The following BRWD1 variants were observed in gnomAD, a reference collection of about 807,000 sequenced individuals.
BRWD1 encodes the protein bromodomain and WD repeat domain containing 1.
BRWD1 carries 82 observed loss-of-function variants against 251.2 expected under a neutral mutation model. The ratio of observed to expected loss-of-function variants is 0.33; its 90% CI spans 0.27 to 0.39. BRWD1 has a LOEUF of 0.39. Among genes scored for constraint, BRWD1 ranks in the 10% least tolerant of loss-of-function variants. The pLI is 1.00. For synonymous variants in BRWD1, 918 were observed against 902.8 expected (o/e 1.02, Z -0.30); for missense variants, 2,233 against 2,711.6 (o/e 0.82, Z 3.92).
At position 39,206,278 on chromosome 21, in the gene BRWD1, C is replaced by A; in HGVS notation, c.4198-4G>T. On this transcript the variant is annotated splice_region_variant and splice_polypyrimidine_tract_variant and intron_variant, in intron 36 of 40. Transcript: ENST00000342449. Reference sequence around the variant, plus strand: ...ATCTCAAGGTCATACTATAAATCTGCAAGGATATAAAAACAAAGTAGAATT... The same window carrying A: ...ATCTCAAGGTCATACTATAAATCTGAAAGGATATAAAAACAAAGTAGAATT... 1 of 1,554,402 alleles carries A rather than the reference C, an allele frequency of 6.4e-7. No homozygotes were observed. The highest frequency in any genetic ancestry group is 8.8e-7 in the Non-Finnish European group (1 of 1,142,374).
rs75090981 is a variant in BRWD1, at chr21:39,313,589, GCGCCGCCGC to G, written c.-107_-99del. ...GCTGGCGTCCCCTCTTCTCAGGCGC[GCGCCGCCGC>G]CGCCGCCGCCGCCGCCATACCGTGC... On this transcript the variant is annotated 5_prime_UTR_variant, in exon 1 of 41. Transcript: ENST00000342449. The G allele has an allele frequency of 4.7e-3, 3,082 of 650,358 alleles. 64 individuals carry two copies. The highest frequency in any genetic ancestry group is 0.04 in the East Asian group (1,045 of 25,906). The allele number at this position is 650,358 out of a possible 1,614,324, so 40.3% of individuals were successfully genotyped here. A position where few individuals can be genotyped will look rare whatever the true frequency, so the allele number is the denominator to read the frequency against.
At chr21:39,206,678 A>G (rs897662442) in intron 36 of BRWD1, among the ~76,000 whole-genome samples, 1 of 152,216 alleles carries the variant, frequency 6.6e-6, no homozygotes, top group African/African-American at 2.4e-5. Flanking sequence ...GCAAGGGAAC[A>G]AAAGCACTTT....
chr21:39,252,842 T>C (rs970486184), intron 19 of BRWD1, among the ~76,000 whole-genome samples: 3 of 152,240 alleles, frequency 2.0e-5, no homozygotes, highest in African/African-American at 7.2e-5. Flanking sequence ...AAATGCCACA[T>C]GGCTACTTAA....
rs2033628209 is a variant in BRWD1, at chr21:39,231,838, T to C, written c.3000+339A>G. 2.0e-5 allele frequency among the ~76,000 whole-genome samples: 3 copies of C among 152,226 alleles called. No individual in the cohort carries two copies. The South Asian group carries it at 6.2e-4, about 31-fold the overall frequency. Reference sequence around the variant, plus strand: ...GAGGTTAAACCCTTCTTCCAGTTTTTATTTCTTCTTTTGAAAACTTGCATT... The same window carrying C: ...GAGGTTAAACCCTTCTTCCAGTTTTCATTTCTTCTTTTGAAAACTTGCATT... On this transcript the variant is annotated intron_variant, in intron 25 of 40. Transcript: ENST00000342449.
At chr21:39,284,247 A>G (rs1568951096) in intron 8 of BRWD1, among the ~76,000 whole-genome samples, 2 of 152,172 alleles carry the variant, frequency 1.3e-5, no homozygotes, top group Non-Finnish European at 2.9e-5. Flanking sequence ...TGGGAGGCCA[A>G]TGGAGGAGGA....
intron 4 of BRWD1, chr21:39,312,509 C>A (rs760128211): frequency 8.7e-6 from 2 of 228,674 alleles, no homozygotes; most frequent in Admixed American, 5.9e-5. Context: ...AGCGGGGAAG[C>A]GAATGAAACC....
At chr21:39,268,166 G>A (rs745983547) in intron 15 of BRWD1, among the ~76,000 whole-genome samples, 3 of 152,042 alleles carry the variant, frequency 2.0e-5, no homozygotes, top group Non-Finnish European at 2.9e-5. Context: ...TCTCAAAAGC[G>A]CTACTAAAAA....
At chr21:39,240,058 A>C (rs563248075) in intron 21 of BRWD1, among the ~76,000 whole-genome samples, 19 of 152,308 alleles carry the variant, frequency 1.2e-4, no homozygotes, top group East Asian at 3.9e-4. Flanking sequence ...TGTGCTAAAA[A>C]AAACAAACAA....
At chr21:39,246,039 T>C (rs1262701597) in intron 21 of BRWD1, among the ~76,000 whole-genome samples, 1 of 152,034 alleles carries the variant, frequency 6.6e-6, no homozygotes, top group Non-Finnish European at 1.5e-5. Context: ...AAGAAGCTAC[T>C]AAGGAAAAAA....
At chr21:39,304,826 A>G (rs900830121) in intron 4 of BRWD1, among the ~76,000 whole-genome samples, 6 of 152,214 alleles carry the variant, frequency 3.9e-5, no homozygotes, top group Admixed American at 2.0e-4. Flanking sequence ...CAAGAAGATT[A>G]TAATGAATAA....
At chr21:39,284,793 T>C (rs1409011666) in intron 8 of BRWD1, among the ~76,000 whole-genome samples, 1 of 152,210 alleles carries the variant, frequency 6.6e-6, no homozygotes, top group Admixed American at 6.5e-5. Context: ...TTGAGTTGAG[T>C]TCCTTATATG....
intron 27 of BRWD1, among the ~76,000 whole-genome samples, chr21:39,226,260 T>TAA (rs1310643598): frequency 1.3e-5 from 2 of 152,190 alleles, no homozygotes; most frequent in African/African-American, 4.8e-5. Context: ...GCTTTTCAAA[T>TAA]AAACCTACTT....
intron 19 of BRWD1, among the ~76,000 whole-genome samples, chr21:39,252,576 C>G (rs1353240749): frequency 6.6e-6 from 1 of 152,206 alleles, no homozygotes; most frequent in Admixed American, 6.5e-5. Flanking sequence ...ATCACCACAT[C>G]TCAATCAATT....
At chr21:39,294,345 T>C (rs2836978) in intron 7 of BRWD1, among the ~76,000 whole-genome samples, 14,283 of 152,210 alleles carry the variant, frequency 0.094, 814 homozygotes, top group East Asian at 0.14. Flanking sequence ...GGCTCTCTTA[T>C]ATCAACTAAC....
rs1400531077 is a variant in BRWD1 at position 39,194,010 on chromosome 21, TAAAGAC to T, written c.*2243_*2248del. 1.0e-6 allele frequency: 1 copy of T among 985,442 alleles called. No individual in the cohort carries two copies. Among genetic ancestry groups the T allele is most frequent in the African/African-American group, 1.7e-5 (1 of 57,204 alleles). 61.0% of individuals were successfully genotyped at this position (985,442 alleles called of 1,614,324 possible). ...AAGCTACCATTGTCGGCTATGCTTT[TAAAGAC>T]ATCAGGTCCATTCTTGCTGCTTCTG... is the stretch of plus-strand genomic sequence containing the variant. On this transcript the variant is annotated 3_prime_UTR_variant, in exon 41 of 41. Transcript: ENST00000342449.
intron 38 of BRWD1, chr21:39,200,589 C>G (rs2032059753): frequency 5.2e-6 from 2 of 383,492 alleles, no homozygotes; most frequent in Admixed American, 8.9e-5. Context: ...ATCAGCATTC[C>G]AAATAGTTTT....
rs116724654 is a variant in BRWD1 at position 39,228,408 on chromosome 21, T to C, written c.3208+92A>G. 3,584 of 792,420 alleles carry C rather than the reference T, an allele frequency of 4.5e-3. 86 individuals are homozygous for C. The African/African-American group carries it at 0.054, about 12-fold the overall frequency. 49.1% of individuals were successfully genotyped at this position (792,420 alleles called of 1,614,324 possible). ...CTTCTGGAATTTACATGTTTGTATA[T>C]ACTATAATTAAGAGTCCCACAGCCA... On this transcript the variant is annotated intron_variant, in intron 27 of 40. Coordinates refer to ENST00000342449, the MANE Select transcript of BRWD1 (RefSeq NM_033656.4).
intron 29 of BRWD1, among the ~76,000 whole-genome samples, chr21:39,220,403 A>G (rs1601310560): frequency 6.6e-6 from 1 of 152,252 alleles, no homozygotes; most frequent in Non-Finnish European, 1.5e-5. Flanking sequence ...TTAGAAGTCA[A>G]AAGTAAATCA....
Position 39,187,757 on chromosome 21 carries a change from C to T in BRWD1, c.*8502G>A. The T allele has an allele frequency of 1.0e-6, 1 of 984,530 alleles. No homozygotes were observed. Among genetic ancestry groups the T allele is most frequent in the Non-Finnish European group, 1.2e-6 (1 of 829,312 alleles). 61.0% of individuals were successfully genotyped at this position (984,530 alleles called of 1,614,324 possible). On this transcript the variant is annotated 3_prime_UTR_variant, in exon 41 of 41. Coordinates refer to ENST00000342449, the MANE Select transcript of BRWD1 (RefSeq NM_033656.4). ...TTACTAAATCTTAACTTCATTGTTC[C>T]AGTATTTTCTGACCTAGGTATGTGA...
Sources: gnomAD v4.1 joint callset for allele counts (sites outside exome capture counted in the v4.1 genomes callset) on GRCh38, gnomAD v4.1.1 for gene constraint, MANE v1.5 for transcripts, NCBI Gene and HGNC (gene_info 2026-07-23, HGNC 2026-07-21) for gene names.